The following CFAP99 variants were observed in gnomAD, a reference collection of about 807,000 sequenced individuals.
The protein encoded by CFAP99 is cilia and flagella associated protein 99.
A neutral mutation model predicts 82.7 loss-of-function variants in CFAP99; 84 were observed. That is an observed-to-expected ratio of 1.02 (90% CI 0.85 to 1.22). The LOEUF is 1.22. CFAP99 is among the 50% of genes most tolerant of loss of function. The pLI, the probability that CFAP99 is intolerant of heterozygous loss-of-function variation, is 0.00. For synonymous variants in CFAP99, 456 were observed against 429.5 expected (o/e 1.06, Z -0.76); for missense variants, 1,059 against 983.5 (o/e 1.08, Z -1.03).
chr4:2,454,573 T>A (rs1480189123), intron 11 of CFAP99, among the ~76,000 whole-genome samples: 9 of 133,140 alleles, frequency 6.8e-5, no homozygotes, highest in Non-Finnish European at 1.3e-4. Flanking sequence ...TTTTTTGTTG[T>A]TTTTTTTCTT....
At chr4:2,429,593 CTTTT>C (rs33954359) in intron 2 of CFAP99, among the ~76,000 whole-genome samples, 13 of 139,134 alleles carry the variant, frequency 9.3e-5, no homozygotes, top group Non-Finnish European at 7.8e-5. Flanking sequence ...TTCTTTCTTT[CTTTT>C]TTTTTTTTTT....
In CFAP99 at chr4:2,462,818, A is replaced by G. The variant is rs1734661505; in HGVS notation, c.2037A>G (p.Leu679=). The stretch of plus-strand genomic sequence containing the variant: ...CGTTCCCCGGCCTGCAGGCGCAGCT[A>G]GAGGCGCAGCACTGGCTGGAGCTGG... The change falls in exon 15 of 15, where the codon CTA becomes CTG. Residue 679 remains leucine (L), a synonymous_variant. Transcript: ENST00000635017. The surrounding 1 kb of genome is among the most constrained non-coding windows in gnomAD (Gnocchi z 4.1). 8 of 1,337,332 alleles carry G rather than the reference A, an allele frequency of 6.0e-6. No homozygotes were observed. The highest frequency in any genetic ancestry group is 3.2e-5 in the East Asian group (1 of 30,964). 82.8% of individuals were successfully genotyped at this position (1,337,332 alleles called of 1,614,324 possible). A position where few individuals can be genotyped will look rare whatever the true frequency, so the allele number is the denominator to read the frequency against.
At chr4:2,419,689 G>A (rs958365653) in intron 1 of CFAP99, among the ~76,000 whole-genome samples, 5 of 152,246 alleles carry the variant, frequency 3.3e-5, no homozygotes, top group Middle Eastern at 3.4e-3. Context: ...AGGTCCGTGG[G>A]CTCCATGACC....
At chr4:2,443,520 C>T (rs773588367) in intron 5 of CFAP99, among the ~76,000 whole-genome samples, 3 of 152,186 alleles carry the variant, frequency 2.0e-5, no homozygotes, top group Non-Finnish European at 2.9e-5. Flanking sequence ...GGCTGAAGGC[C>T]ATTTCAGGAC....
intron 1 of CFAP99, among the ~76,000 whole-genome samples, chr4:2,422,721 C>A (rs1733609542): frequency 6.6e-6 from 1 of 152,220 alleles, no homozygotes; most frequent in Non-Finnish European, 1.5e-5. Context: ...GGCAAGGGGA[C>A]CCCATCCCAG....
Position 2,452,281 on chromosome 4 carries a change from G to A in CFAP99, c.1096G>A (p.Ala366Thr), listed in dbSNP as rs754021801. The A allele has an allele frequency of 3.0e-4, 457 of 1,535,854 alleles. No individual in the cohort carries two copies. The highest frequency in any genetic ancestry group is 8.6e-4 in the Middle Eastern group (5 of 5,836). ...GCAAGGGAAGCTTAGCCATGAGGAG[G>A]CCGTCCTAGCCCGGCAGAGCCTCAT... Residue 366 changes from alanine (A) to threonine (T), a missense_variant, in exon 11 of 15, where the codon GCC (alanine) becomes ACC (threonine). Ala to Thr is a moderately conservative substitution (Grantham distance 58). Transcript: ENST00000635017.
intron 14 of CFAP99, among the ~76,000 whole-genome samples, chr4:2,460,947 CA>C (rs2108738264): frequency 6.6e-6 from 1 of 152,316 alleles, no homozygotes; most frequent in Non-Finnish European, 1.5e-5. Context: ...CCATGTTGGC[CA>C]AGATGGTCTC....
intron 4 of CFAP99, among the ~76,000 whole-genome samples, chr4:2,442,144 G>A (rs959384167): frequency 6.6e-6 from 1 of 152,188 alleles, no homozygotes; most frequent in Non-Finnish European, 1.5e-5. Flanking sequence ...GCTGAGTGTG[G>A]GGATGGGGTT....
chr4:2,428,534 C>G (rs1012062736), intron 2 of CFAP99: 1 of 152,282 alleles, frequency 6.6e-6, no homozygotes, highest in African/African-American at 2.4e-5. Flanking sequence ...TTCCCCCACC[C>G]CTCCACCCAC....
At chr4:2,450,766 G>C (rs768319521) in intron 8 of CFAP99, among the ~76,000 whole-genome samples, 181 bp from the exon 9 acceptor site, 4 of 152,178 alleles carry the variant, frequency 2.6e-5, no homozygotes, top group Non-Finnish European at 5.9e-5. Context: ...CAAGGCTTGG[G>C]GGGCATTGGA....
chr4:2,438,642 C>T (rs537750215), intron 4 of CFAP99, among the ~76,000 whole-genome samples: 10 of 152,176 alleles, frequency 6.6e-5, no homozygotes, highest in Middle Eastern at 3.4e-3. Context: ...TGGTGGCTCC[C>T]GTCTGTAGTC....
rs536440366 is a variant in CFAP99, at chr4:2,437,673, G to A, written c.257-397G>A. On this transcript the variant is annotated intron_variant, in intron 3 of 14. Coordinates refer to ENST00000635017, the Ensembl canonical transcript of CFAP99. ...GCTGGAGCCTTATGATGCGCAGCGC[G>A]TCCAGGCCACAGGCTAGGGGCCCGT... Among the ~76,000 whole-genome samples the A allele has an allele frequency of 1.3e-3, 194 of 152,336 alleles. 2 individuals carry two copies. Among genetic ancestry groups the A allele is most frequent in the African/African-American group, 1.3e-3 (54 of 41,578 alleles).
chr4:2,453,332 G>A (rs1291965121), intron 11 of CFAP99, among the ~76,000 whole-genome samples: 1 of 152,246 alleles, frequency 6.6e-6, no homozygotes, highest in East Asian at 1.9e-4. Flanking sequence ...CACCTTTGCA[G>A]AGCTGGATTT....
At chr4:2,434,867 C>T (rs961909141) in intron 2 of CFAP99, among the ~76,000 whole-genome samples, 3 of 152,192 alleles carry the variant, frequency 2.0e-5, no homozygotes, top group African/African-American at 4.8e-5. Flanking sequence ...GCTAGAAGGG[C>T]GTGGGAATGG....
chr4:2,428,802 C>G (rs1436360611), intron 2 of CFAP99: 3 of 152,498 alleles, frequency 2.0e-5, no homozygotes, highest in Admixed American at 2.0e-4. Context: ...GTCCCCTCGC[C>G]TGCTGACAGC....
intron 8 of CFAP99, 31 bp downstream of exon 8, chr4:2,450,036 C>A (rs1025719368): frequency 1.2e-5 from 19 of 1,530,822 alleles, no homozygotes; most frequent in Non-Finnish European, 1.6e-5. Context: ...GACCCATCAT[C>A]GAGGTGCCAT....
rs965646566 is a variant in CFAP99 at position 2,429,684 on chromosome 4, T to C, written c.111+3098T>C. On this transcript the variant is annotated intron_variant, in intron 2 of 14. Coordinates refer to ENST00000635017, the Ensembl canonical transcript of CFAP99. ...TCTGCTCACTGCAAGCTCCGCCTCCTGGGTTCACGCCATTCTCCTGCCTCA... is the reference window on the plus strand; with the variant it reads ...TCTGCTCACTGCAAGCTCCGCCTCCCGGGTTCACGCCATTCTCCTGCCTCA... 1.5e-4 allele frequency among the ~76,000 whole-genome samples: 23 copies of C among 151,770 alleles called. No individual in the cohort carries two copies. The South Asian group carries it at 2.7e-3, about 18-fold the overall frequency.
chr4:2,452,010 G>A (rs1400273734), intron 10 of CFAP99, 132 bp from the exon 11 acceptor site: 5 of 869,432 alleles, frequency 5.8e-6, no homozygotes, highest in Non-Finnish European at 7.2e-6. Context: ...GGAAGGGCAG[G>A]CCACGCAGCT....
intron 5 of CFAP99, among the ~76,000 whole-genome samples, 181 bp from the exon 6 acceptor site, chr4:2,444,950 T>C (rs762492134): frequency 6.6e-5 from 10 of 152,202 alleles, no homozygotes; most frequent in East Asian, 1.9e-4. Flanking sequence ...AGGGGTTTAG[T>C]TGACAGCGTG....
Sources: allele counts gnomAD v4.1 joint callset (sites outside exome capture counted in the v4.1 genomes callset), GRCh38; gene constraint gnomAD v4.1.1; non-coding constraint Gnocchi (gnomAD v3.1); transcripts MANE v1.5; gene names NCBI Gene and HGNC (gene_info 2026-07-23, HGNC 2026-07-21).